LRP1B: variants seen among roughly 807,000 people sequenced by gnomAD.
LRP1B encodes LDL receptor related protein 1B.
A neutral mutation model predicts 556.6 loss-of-function variants in LRP1B; 217 were observed. That is an observed-to-expected ratio of 0.39 (90% CI 0.35 to 0.44). The LOEUF (loss-of-function observed/expected upper bound fraction) is 0.44. Ranked by LOEUF, LRP1B falls within the 20% of genes least tolerant of loss-of-function variation. The probability of loss-of-function intolerance (pLI) is 1.00; values close to 1 mark genes in which losing one functional copy is unlikely to be tolerated. For missense variants in LRP1B, 5,053 were observed against 5,620.8 expected (o/e 0.90, Z 3.23); for synonymous variants, 2,047 against 1,865.8 (o/e 1.10, Z -2.50).
intron 1 of LRP1B, among the ~76,000 whole-genome samples, chr2:141,959,072 A>G (rs2105050473): frequency 6.6e-6 from 1 of 151,992 alleles, no homozygotes; most frequent in African/African-American, 2.4e-5. Flanking sequence ...CCTCAAGCTC[A>G]TTTTCTTCCT....
chr2:140,954,319 CAA>C (rs1194457674), intron 18 of LRP1B, among the ~76,000 whole-genome samples: 2 of 152,228 alleles, frequency 1.3e-5, no homozygotes, highest in East Asian at 3.9e-4. Context: ...AGAATCAACT[CAA>C]GTTTTGGTTC....
At chr2:141,867,079 T>G (rs540288946) in intron 1 of LRP1B, among the ~76,000 whole-genome samples, 2 of 152,052 alleles carry the variant, frequency 1.3e-5, no homozygotes, top group African/African-American at 4.8e-5. Context: ...AAGCAGTATA[T>G]AAAACACTAG....
At chr2:140,688,320 G>A (rs1686120873) in intron 41 of LRP1B, among the ~76,000 whole-genome samples, 1 of 152,008 alleles carries the variant, frequency 6.6e-6, no homozygotes, top group Admixed American at 6.6e-5. Context: ...TTATAGTTTT[G>A]TTATTTCTTT....
intron 6 of LRP1B, among the ~76,000 whole-genome samples, chr2:141,202,692 T>C (rs1036536707): frequency 9.2e-5 from 14 of 152,208 alleles, no homozygotes; most frequent in Non-Finnish European, 1.6e-4. Flanking sequence ...CTTTCATGTT[T>C]GTTGGCCACA....
intron 27 of LRP1B, among the ~76,000 whole-genome samples, chr2:140,856,089 C>G (rs1692609806): frequency 6.6e-6 from 1 of 152,152 alleles, no homozygotes; most frequent in African/African-American, 2.4e-5. Flanking sequence ...ATACCCACCT[C>G]TCTTTCAAAA....
At chr2:140,686,773 A>C (rs16844517) in intron 41 of LRP1B, among the ~76,000 whole-genome samples, 2,148 of 152,142 alleles carry the variant, frequency 0.014, 49 homozygotes, top group African/African-American at 0.05. Context: ...GAGCTCTCTA[A>C]GAAGGAAAAT....
At chr2:141,928,892 T>C (rs1467810280) in intron 1 of LRP1B, among the ~76,000 whole-genome samples, 1 of 152,114 alleles carries the variant, frequency 6.6e-6, no homozygotes, top group Non-Finnish European at 1.5e-5. Flanking sequence ...AACTTCACTA[T>C]AGACCTTTAT....
intron 88 of LRP1B, among the ~76,000 whole-genome samples, chr2:140,238,612 C>A (rs1680815841): frequency 6.6e-6 from 1 of 150,794 alleles, no homozygotes; most frequent in African/African-American, 2.4e-5. Flanking sequence ...GTGATAAACT[C>A]TAAGATTGTT....
At chr2:141,423,684 C>G (rs1680238155) in intron 3 of LRP1B, among the ~76,000 whole-genome samples, 1 of 152,020 alleles carries the variant, frequency 6.6e-6, no homozygotes, top group South Asian at 2.1e-4. Context: ...ACTCACTGTG[C>G]CTGTAGTAGA....
At chr2:141,717,463 C>T (rs1364776021) in intron 2 of LRP1B, among the ~76,000 whole-genome samples, 5 of 152,278 alleles carry the variant, frequency 3.3e-5, no homozygotes, top group Admixed American at 6.5e-5. Flanking sequence ...TCAGGTGCCA[C>T]ACTTAGTGGC....
At chr2:141,781,685 T>C (rs1695259169) in intron 2 of LRP1B, among the ~76,000 whole-genome samples, 1 of 152,188 alleles carries the variant, frequency 6.6e-6, no homozygotes. Flanking sequence ...AGATTACAAA[T>C]AGCACTAGCT....
At chr2:141,940,717 T>C (rs1455318116) in intron 1 of LRP1B, among the ~76,000 whole-genome samples, 10 of 152,178 alleles carry the variant, frequency 6.6e-5, no homozygotes, top group Non-Finnish European at 1.3e-4. Flanking sequence ...AGTTCATCAC[T>C]GGGAATTGAA....
chr2:141,842,928 C>G (rs1430628595), intron 1 of LRP1B, among the ~76,000 whole-genome samples: 1 of 151,998 alleles, frequency 6.6e-6, no homozygotes, highest in African/African-American at 2.4e-5. Flanking sequence ...ATAAATACTT[C>G]AAGTAAAATC....
At chr2:140,877,247 G>A (rs1302834767) in intron 25 of LRP1B, among the ~76,000 whole-genome samples, 1 of 152,128 alleles carries the variant, frequency 6.6e-6, no homozygotes, top group Non-Finnish European at 1.5e-5. Context: ...TCAGAGTAAT[G>A]TGGCCTATAC....
In LRP1B at chr2:140,348,300, G is replaced by A. The variant is rs936309059; in HGVS notation, c.11892+2497C>T. Among the ~76,000 whole-genome samples the A allele has an allele frequency of 5.9e-5, 9 of 151,970 alleles. No homozygotes were observed. In the South Asian group the frequency reaches 1.7e-3, roughly 28 times the overall value. ...TCAGGAATACAAAAAGATTTAGGAG[G>A]CAAAGTTAAATAGTTGCTTTTATCA... On this transcript the variant is annotated intron_variant, in intron 77 of 90. Coordinates refer to ENST00000389484, the MANE Select transcript of LRP1B (RefSeq NM_018557.3).
intron 37 of LRP1B, among the ~76,000 whole-genome samples, chr2:140,708,957 C>CAAA (rs1686937280): frequency 6.6e-6 from 1 of 151,938 alleles, no homozygotes; most frequent in Non-Finnish European, 1.5e-5. Flanking sequence ...CTTTAAGATG[C>CAAA]AAAATATACT....
chr2:141,056,015 C>A (rs1399528239), intron 9 of LRP1B, among the ~76,000 whole-genome samples: 1 of 151,738 alleles, frequency 6.6e-6, no homozygotes, highest in Non-Finnish European at 1.5e-5. Context: ...TAAGATTTTA[C>A]ATATTATTGT....
chr2:141,057,346 A>G (rs1699204709), intron 9 of LRP1B, among the ~76,000 whole-genome samples: 1 of 151,772 alleles, frequency 6.6e-6, no homozygotes, highest in African/African-American at 2.4e-5. Context: ...TCTGCTTTAG[A>G]CACACAGGTA....
At chr2:141,211,128 C>T (rs769461149) in intron 6 of LRP1B, among the ~76,000 whole-genome samples, 12 of 151,370 alleles carry the variant, frequency 7.9e-5, no homozygotes, top group African/African-American at 1.7e-4. Context: ...GCTGGGATTA[C>T]AGGCACCCAC....
Sources: allele counts gnomAD v4.1 joint callset (sites outside exome capture counted in the v4.1 genomes callset), GRCh38; gene constraint gnomAD v4.1.1; transcripts MANE v1.5; gene names NCBI Gene and HGNC (gene_info 2026-07-23, HGNC 2026-07-21).